The following TLL2 variants were observed in gnomAD, a reference collection of about 807,000 sequenced individuals.
TLL2 encodes the protein tolloid-like protein 2.
In TLL2, 106 loss-of-function variants were observed where a neutral mutation model predicts 123.0. The ratio of observed to expected loss-of-function variants is 0.86; its 90% CI spans 0.74 to 1.01. The LOEUF is 1.01. TLL2 is among the 50% of genes least tolerant of loss of function. The pLI is 0.00. For synonymous variants in TLL2, 494 were observed against 516.8 expected, an observed-to-expected ratio of 0.96 and a Z score of 0.60; for missense variants, 1,332 against 1,336.7, an observed-to-expected ratio of 1.00 and a Z score of 0.06.
chr10:96,513,553 T>C lies in TLL2; in HGVS notation c.133A>G (p.Thr45Ala). 1.2e-6 allele frequency: 2 copies of C among 1,612,216 alleles called. No homozygotes were observed. Among genetic ancestry groups the C allele is most frequent in the Non-Finnish European group, 1.7e-6 (2 of 1,179,788 alleles). Residue 45 changes from threonine (T) to alanine (A), a missense_variant, in exon 1 of 21, where the codon ACG becomes GCG. Physicochemically the swap from Thr to Ala is moderately conservative, Grantham distance 58 (BLOSUM62 0). Coordinates refer to ENST00000357947, the MANE Select transcript of TLL2 (RefSeq NM_012465.4). ...DYSELDGEEG[T>A]EQQLEHYHDP... ...TGGTAATGCTCCAGCTGCTGCTCCG[T>C]GCCCTCCTCGCCGTCCAGCTCTGAG...
At chr10:96,488,380 C>T (rs1847377157) in intron 1 of TLL2, among the ~76,000 whole-genome samples, 1 of 152,354 alleles carries the variant, frequency 6.6e-6, no homozygotes, top group East Asian at 1.9e-4. Flanking sequence ...CTGCGGGAAG[C>T]CCCCATGGTG....
intron 1 of TLL2, 40 bp downstream of exon 1, chr10:96,513,471 A>G (rs2134120240): frequency 6.2e-7 from 1 of 1,610,348 alleles, no homozygotes; most frequent in Non-Finnish European, 8.5e-7. Context: ...TGCATTTCAA[A>G]GGCAAACTTC....
chr10:96,409,934 G>T (rs541170543), intron 9 of TLL2, among the ~76,000 whole-genome samples: 2 of 152,332 alleles, frequency 1.3e-5, no homozygotes, highest in East Asian at 3.9e-4. Context: ...GATGCTTAGG[G>T]AAGTGGGCTG....
chr10:96,512,148 A>T (rs1847637829), intron 1 of TLL2, among the ~76,000 whole-genome samples: 1 of 152,126 alleles, frequency 6.6e-6, no homozygotes, highest in African/African-American at 2.4e-5. Context: ...GCCCCTCAAG[A>T]CTAGTTTGAT....
At chr10:96,420,372 C>T (rs1176535655) in intron 7 of TLL2, among the ~76,000 whole-genome samples, 1 of 152,228 alleles carries the variant, frequency 6.6e-6, no homozygotes, top group East Asian at 1.9e-4. Flanking sequence ...CCTGCCCATG[C>T]CAGCCATAAA....
intron 4 of TLL2, 135 bp downstream of exon 4, chr10:96,432,672 G>C: frequency 4.5e-6 from 5 of 1,121,994 alleles, no homozygotes; most frequent in South Asian, 3.4e-5. Flanking sequence ...CCGGCAAGAG[G>C]GGGGCATCAT....
intron 13 of TLL2, among the ~76,000 whole-genome samples, chr10:96,391,310 C>A (rs536239065): frequency 6.6e-6 from 1 of 152,254 alleles, no homozygotes; most frequent in African/African-American, 2.4e-5. Flanking sequence ...ATGGGCCGGT[C>A]GTAGGAAGGA....
In TLL2 at chr10:96,388,105, G is replaced by GT. The variant is rs571868878; in HGVS notation, c.1727-1028dup. Among the ~76,000 whole-genome samples, 406 of 152,252 alleles carry GT rather than the reference G, an allele frequency of 2.7e-3. 1 individual carries two copies. Among genetic ancestry groups the GT allele is most frequent in the African/African-American group, 8.0e-3 (331 of 41,548 alleles). On this transcript the variant is annotated intron_variant, in intron 13 of 20. Coordinates refer to ENST00000357947, the MANE Select transcript of TLL2 (RefSeq NM_012465.4). ...CAGCACCACGGAAGGTAGGAACACA[G>GT]TAAGTATAAAGTTGTTGGCCAGGCA... is the stretch of plus-strand genomic sequence containing the variant.
intron 1 of TLL2, among the ~76,000 whole-genome samples, chr10:96,497,153 T>TGTG (rs1847485597): frequency 6.6e-6 from 1 of 151,278 alleles, no homozygotes; most frequent in East Asian, 1.9e-4. Context: ...AGCCCAGCGT[T>TGTG]GTGGTGCACG....
intron 2 of TLL2, among the ~76,000 whole-genome samples, chr10:96,453,324 C>T (rs1270507269): frequency 1.3e-5 from 2 of 151,990 alleles, no homozygotes; most frequent in Non-Finnish European, 2.9e-5. Flanking sequence ...GGCGTGGTGG[C>T]GCGCACCTGT....
chr10:96,434,559 C>A (rs1846774925), intron 3 of TLL2, among the ~76,000 whole-genome samples: 2 of 152,224 alleles, frequency 1.3e-5, no homozygotes, highest in Non-Finnish European at 2.9e-5. Flanking sequence ...ATTGTATGCA[C>A]ATACCACATT....
At chr10:96,446,309 G>A in intron 2 of TLL2, 141 bp from the exon 3 acceptor site, 1 of 766,358 alleles carries the variant, frequency 1.3e-6, no homozygotes, top group Middle Eastern at 3.7e-4. Context: ...CAAATCAACT[G>A]AGCCCTTACC....
intron 1 of TLL2, among the ~76,000 whole-genome samples, chr10:96,504,143 G>A (rs915837602): frequency 6.6e-6 from 1 of 152,216 alleles, no homozygotes; most frequent in African/African-American, 2.4e-5. Flanking sequence ...GAAGCCACCA[G>A]CTGAATGGAG....
chr10:96,509,669 C>T (rs1036889958), intron 1 of TLL2, among the ~76,000 whole-genome samples: 5 of 152,356 alleles, frequency 3.3e-5, no homozygotes, highest in African/African-American at 4.8e-5. Flanking sequence ...TGGCCTTGGC[C>T]GGGCACGGTG....
At position 96,365,798 on chromosome 10, in the gene TLL2, C is replaced by G. The variant is rs569262320; in HGVS notation, c.*2290G>C. On this transcript the variant is annotated 3_prime_UTR_variant, in exon 21 of 21. Transcript: ENST00000357947. ...CCAGCTGAATCAGAGCTTCTCTTTT[C>G]TGTGGATACGTCACACAGAAGGCCT... 6.6e-6 allele frequency: 1 copy of G among 152,232 alleles called. No individual in the cohort carries two copies. Among genetic ancestry groups the G allele is most frequent in the Non-Finnish European group, 1.5e-5 (1 of 68,042 alleles). 9.4% of individuals were successfully genotyped at this position (152,232 alleles called of 1,614,324 possible).
chr10:96,447,494 C>T (rs1215369570), intron 2 of TLL2, among the ~76,000 whole-genome samples: 2 of 152,028 alleles, frequency 1.3e-5, no homozygotes, highest in Non-Finnish European at 2.9e-5. Context: ...TGGGACCTGT[C>T]GTGTTAGGGA....
intron 13 of TLL2, among the ~76,000 whole-genome samples, chr10:96,388,834 C>T (rs1846260147): frequency 6.6e-6 from 1 of 152,160 alleles, no homozygotes. Flanking sequence ...CCCATCATTT[C>T]ACATAGGGGA....
At chr10:96,476,796 T>G (rs1564915175) in intron 2 of TLL2, among the ~76,000 whole-genome samples, 1 of 151,410 alleles carries the variant, frequency 6.6e-6, no homozygotes, top group Non-Finnish European at 1.5e-5. Context: ...GATAAAGTGT[T>G]AAGTAAAAAA....
chr10:96,420,071 T>G (rs74151326), intron 7 of TLL2, among the ~76,000 whole-genome samples: 1,768 of 152,334 alleles, frequency 0.012, 34 homozygotes, highest in African/African-American at 0.04. Flanking sequence ...ATTTATCATT[T>G]TTATCTCATG....
Sources: allele counts gnomAD v4.1 joint callset (sites outside exome capture counted in the v4.1 genomes callset), GRCh38; gene constraint gnomAD v4.1.1; transcripts MANE v1.5; gene names NCBI Gene and HGNC (gene_info 2026-07-23, HGNC 2026-07-21).